ITPKB: variants seen among roughly 807,000 people sequenced by gnomAD.
ITPKB encodes the protein IP3 3-kinase B.
ITPKB carries 13 observed loss-of-function variants against 69.4 expected under a neutral mutation model. The ratio of observed to expected loss-of-function variants is 0.19; its 90% CI spans 0.12 to 0.30. The LOEUF is 0.30. ITPKB is among the 10% of genes least tolerant of loss of function. The probability of loss-of-function intolerance (pLI) is 1.00; values close to 1 mark genes in which losing one functional copy is unlikely to be tolerated. For synonymous variants in ITPKB, 584 were observed against 513.7 expected (o/e 1.14, Z -1.85); for missense variants, 1,240 against 1,250.5 (o/e 0.99, Z 0.13).
At chr1:226,635,559 A>G (rs1668817777) in intron 7 of ITPKB, among the ~76,000 whole-genome samples, 1 of 152,058 alleles carries the variant, frequency 6.6e-6, no homozygotes, top group Non-Finnish European at 1.5e-5. Flanking sequence ...CCACAACCCA[A>G]TCTGGGGCCT....
chr1:226,717,722 G>A (rs937784487), intron 2 of ITPKB, among the ~76,000 whole-genome samples: 21 of 152,326 alleles, frequency 1.4e-4, no homozygotes, highest in African/African-American at 5.1e-4. Context: ...CCGCCGTCCG[G>A]GCCTCCTACA....
At chr1:226,658,796 G>A (rs1271507884) in intron 2 of ITPKB, among the ~76,000 whole-genome samples, 1 of 152,084 alleles carries the variant, frequency 6.6e-6, no homozygotes, top group Non-Finnish European at 1.5e-5. Flanking sequence ...TCGGGTTGGT[G>A]AAGTCCCTCC....
Position 226,737,196 on chromosome 1 carries a change from C to G in ITPKB, c.263G>C (p.Ser88Thr). ...GCTACTGCCGCTGCTGCCGCTGCCA[C>G]TGCCGCTGCTACTATTCAGCCTGCG... ...GRRRLNSSSG[S>T]GSGSSGSSVS... Residue 88 changes from serine (S) to threonine (T), a missense_variant, in exon 2 of 8, where the codon AGT becomes ACT. Coordinates refer to ENST00000429204, the MANE Select transcript of ITPKB (RefSeq NM_002221.4). The G allele has an allele frequency of 3.1e-6, 5 of 1,587,564 alleles. No homozygotes were observed. Among genetic ancestry groups the G allele is most frequent in the Non-Finnish European group, 4.3e-6 (5 of 1,174,866 alleles).
At position 226,637,240 on chromosome 1, in the gene ITPKB, T is replaced by A. The variant is rs1668858212; in HGVS notation, c.2625+439A>T. On this transcript the variant is annotated intron_variant, in intron 7 of 7. Transcript: ENST00000429204. This position sits in a 1 kb window ranked among gnomAD's most constrained non-coding sequence, Gnocchi z 4.3. The stretch of plus-strand genomic sequence containing the variant: ...CCCCTGCCAACCAACGTATGCAAAG[T>A]TGGGAGATTCCAGCCCTGCCCGAGA... Among the ~76,000 whole-genome samples, 4 of 152,276 alleles carry A rather than the reference T, an allele frequency of 2.6e-5. No homozygotes were observed. In the South Asian group the frequency reaches 8.3e-4, roughly 32 times the overall value.
At chr1:226,729,660 C>A (rs1446997373) in intron 2 of ITPKB, among the ~76,000 whole-genome samples, 1 of 151,904 alleles carries the variant, frequency 6.6e-6, no homozygotes, top group Non-Finnish European at 1.5e-5. Context: ...CTCACTGCAA[C>A]CTCCAACTCC....
chr1:226,654,431 T>G (rs1669250120), intron 2 of ITPKB, among the ~76,000 whole-genome samples: 1 of 152,144 alleles, frequency 6.6e-6, no homozygotes, highest in Non-Finnish European at 1.5e-5. Flanking sequence ...ATGCCACATT[T>G]TGTCTCCCTT....
intron 2 of ITPKB, among the ~76,000 whole-genome samples, chr1:226,668,111 G>C (rs781015510): frequency 6.6e-6 from 1 of 152,110 alleles, no homozygotes; most frequent in South Asian, 2.1e-4. Context: ...ATGAGCTGGC[G>C]ATTCTGATTT....
Position 226,735,687 on chromosome 1 carries a change from C to A in ITPKB, c.1772G>T (p.Gly591Val). 1 of 1,602,256 alleles carries A rather than the reference C, an allele frequency of 6.2e-7. No individual in the cohort carries two copies. Among genetic ancestry groups the A allele is most frequent in the Middle Eastern group, 1.7e-4 (1 of 5,988 alleles). ...ALEETQGSPR[G>V]NLPLRKLSSS... is the part of the protein sequence containing the mutation. ...GGACAGTTTCCTCAGGGGCAGGTTGCCCCGAGGGCTTCCCTGCGTCTCCTC... is the reference window on the plus strand; with the variant it reads ...GGACAGTTTCCTCAGGGGCAGGTTGACCCGAGGGCTTCCCTGCGTCTCCTC... The change falls in exon 2 of 8, where the codon GGC becomes GTC. Residue 591 changes from glycine (G) to valine (V), a missense_variant. Gly to Val is a moderately radical substitution (Grantham distance 109). This residue lies in a region of ITPKB where 992 missense variants were observed against 853.8 expected (regional missense o/e 1.16). Coordinates refer to ENST00000429204, the MANE Select transcript of ITPKB (RefSeq NM_002221.4).
chr1:226,696,420 C>A (rs1393207549), intron 2 of ITPKB, among the ~76,000 whole-genome samples: 5 of 152,076 alleles, frequency 3.3e-5, no homozygotes, highest in Admixed American at 2.0e-4. Context: ...TAATGTACAT[C>A]CCTGGCACGT....
intron 2 of ITPKB, among the ~76,000 whole-genome samples, chr1:226,662,878 A>G (rs1162951633): frequency 2.6e-5 from 4 of 152,244 alleles, no homozygotes; most frequent in Non-Finnish European, 5.9e-5. Flanking sequence ...CCAAAGAAGC[A>G]TCTGCAGCCC....
intron 2 of ITPKB, among the ~76,000 whole-genome samples, chr1:226,696,597 G>T (rs1165882298): frequency 1.3e-5 from 2 of 152,158 alleles, no homozygotes; most frequent in African/African-American, 4.8e-5. Flanking sequence ...ACTAGCTGCT[G>T]CTATTTCTCA....
rs745950428 is a variant in ITPKB at position 226,737,060 on chromosome 1, G to C, written c.399C>G (p.Ile133Met). 6.2e-7 allele frequency: 1 copy of C among 1,611,664 alleles called. No individual in the cohort carries two copies. Among genetic ancestry groups the C allele is most frequent in the South Asian group, 1.1e-5 (1 of 91,092 alleles). The change falls in exon 2 of 8, where the codon ATC (isoleucine) becomes ATG (methionine). Residue 133 changes from isoleucine to methionine, a missense_variant. Ile to Met is a conservative substitution (Grantham distance 10, BLOSUM62 1). Coordinates refer to ENST00000429204, the MANE Select transcript of ITPKB (RefSeq NM_002221.4). ...GCACGTTCTGCAACTCGCGCTGCAA[G>C]ATCCGCAGCTTCCTCTTGGCCTCCT... ...GPEEAKRKLR[I>M]LQRELQNVQV...
At chr1:226,724,495 C>T (rs3768411) in intron 2 of ITPKB, among the ~76,000 whole-genome samples, 2 of 152,080 alleles carry the variant, frequency 1.3e-5, no homozygotes, top group Non-Finnish European at 2.9e-5. Context: ...TTGTATCGAG[C>T]ATTTAGTATG....
chr1:226,736,003 T>C lies in ITPKB; in HGVS notation c.1456A>G (p.Lys486Glu), dbSNP rs750447410. The C allele has an allele frequency of 6.2e-6, 10 of 1,613,898 alleles. No individual in the cohort carries two copies. Among genetic ancestry groups the C allele is most frequent in the Non-Finnish European group, 8.5e-6 (10 of 1,180,020 alleles). Reference protein sequence around the residue: ...LEPLPCWDAAKDLKEPQCPPG... With the variant: ...LEPLPCWDAAEDLKEPQCPPG... ...GGGCACTGAGGTTCTTTCAGATCTT[T>C]CGCAGCGTCCCAACAGGGCAAAGGC... Residue 486 changes from lysine (K) to glutamate (E), a missense_variant, in exon 2 of 8, where the codon AAA (lysine) becomes GAA (glutamate). By Grantham distance (56) the Lys-to-Glu change is moderately conservative. This residue lies in a region of ITPKB where 992 missense variants were observed against 853.8 expected (regional missense o/e 1.16). Coordinates refer to ENST00000429204, the MANE Select transcript of ITPKB (RefSeq NM_002221.4).
At chr1:226,703,136 G>A (rs3768402) in intron 2 of ITPKB, among the ~76,000 whole-genome samples, 27,495 of 151,998 alleles carry the variant, frequency 0.18, 2,520 homozygotes, top group Middle Eastern at 0.32. Flanking sequence ...TGATTATGAG[G>A]AAAAATGGGG....
chr1:226,737,953 G>A (rs905009721), intron 1 of ITPKB, among the ~76,000 whole-genome samples: 1 of 152,186 alleles, frequency 6.6e-6, no homozygotes, highest in Non-Finnish European at 1.5e-5. Flanking sequence ...GCGGACCGGC[G>A]AGAAGCGAGG....
At chr1:226,663,777 AC>A (rs1394132900) in intron 2 of ITPKB, among the ~76,000 whole-genome samples, 1 of 151,320 alleles carries the variant, frequency 6.6e-6, no homozygotes, top group African/African-American at 2.4e-5. Context: ...GAAGTGATCC[AC>A]CCCCCACGGC....
At chr1:226,695,059 A>G (rs986599264) in intron 2 of ITPKB, among the ~76,000 whole-genome samples, 2 of 152,168 alleles carry the variant, frequency 1.3e-5, no homozygotes, top group East Asian at 3.9e-4. Context: ...GTGAAACCCC[A>G]TCTCCACCAA....
Position 226,736,782 on chromosome 1 carries a change from C to T in ITPKB, c.677G>A (p.Cys226Tyr). The change falls in exon 2 of 8, where the codon TGC becomes TAC. Residue 226 changes from cysteine to tyrosine, a missense_variant. Cys to Tyr is a radical substitution (Grantham distance 194). Transcript: ENST00000429204. Reference protein sequence around the residue: ...DSGRKGGPSLCSSQVKKGMPP... With the variant: ...DSGRKGGPSLYSSQVKKGMPP... ...CATTCCTTTCTTCACCTGCGAGGAG[C>T]ATAGGCTGGGCCCTCCTTTCCTCCC... is the stretch of plus-strand genomic sequence containing the variant. 1 of 1,613,108 alleles carries T rather than the reference C, an allele frequency of 6.2e-7. No individual in the cohort carries two copies. Among genetic ancestry groups the T allele is most frequent in the Non-Finnish European group, 8.5e-7 (1 of 1,180,026 alleles).
Sources: allele counts gnomAD v4.1 joint callset (sites outside exome capture counted in the v4.1 genomes callset), GRCh38; gene constraint gnomAD v4.1.1; regional missense constraint gnomAD v4.1.1; non-coding constraint Gnocchi (gnomAD v3.1); transcripts MANE v1.5; gene names NCBI Gene and HGNC (gene_info 2026-07-23, HGNC 2026-07-21).